Variants in MRAP observed in about 807,000 individuals in gnomAD.
MRAP encodes melanocortin-2 receptor accessory protein.
MRAP carries 8 observed loss-of-function variants against 8.7 expected under a neutral mutation model. That is an observed-to-expected ratio of 0.92 (90% CI 0.54 to 1.66). MRAP has a LOEUF of 1.66. Ranked by LOEUF, MRAP falls within the 40% of genes most tolerant of loss-of-function variation. MRAP has a pLI of 0.00. For synonymous variants in MRAP, 95 were observed against 95.5 expected (o/e 1.00, Z 0.03); for missense variants, 237 against 217.1 (o/e 1.09, Z -0.58).
At position 32,298,988 on chromosome 21, in the gene MRAP, A is replaced by G. The variant is rs781027422; in HGVS notation, c.17A>G (p.Asn6Ser). The G allele has an allele frequency of 1.2e-6, 2 of 1,613,978 alleles. No individual in the cohort carries two copies. The highest frequency in any genetic ancestry group is 1.7e-6 in the Non-Finnish European group (2 of 1,179,940). MANGT[N>S]ASAPYYSYEY... ...GCCACAGACATGGCCAACGGGACCA[A>G]CGCCTCTGCCCCATACTACAGCTAT... Residue 6 changes from asparagine (N) to serine (S), a missense_variant, in exon 1 of 3, where the codon AAC (asparagine) becomes AGC (serine). Transcript: ENST00000303645.
intron 1 of MRAP, among the ~76,000 whole-genome samples, chr21:32,300,415 C>T (rs1206567867): frequency 3.3e-5 from 5 of 150,918 alleles, no homozygotes; most frequent in African/African-American, 1.2e-4. Context: ...ATGCATCACG[C>T]GTCCTGCGTC....
At chr21:32,305,127 C>T (rs2032384006) in intron 1 of MRAP, among the ~76,000 whole-genome samples, 1 of 151,742 alleles carries the variant, frequency 6.6e-6, no homozygotes, top group African/African-American at 2.4e-5. Flanking sequence ...CATTACCGTG[C>T]CCAGGTAATC....
At chr21:32,306,238 C>T (rs867062911) in intron 1 of MRAP, among the ~76,000 whole-genome samples, 1 of 152,028 alleles carries the variant, frequency 6.6e-6, no homozygotes, top group Non-Finnish European at 1.5e-5. Flanking sequence ...CGCTGCATCC[C>T]TCCCGGGGGC....
chr21:32,297,705 C>T (rs189300569), upstream of MRAP, among the ~76,000 whole-genome samples: 2 of 152,166 alleles, frequency 1.3e-5, no homozygotes, highest in Non-Finnish European at 2.9e-5. Context: ...TAGGAAATTG[C>T]TTGGTATGGA....
chr21:32,295,077 T>C (rs149917401), upstream of MRAP, among the ~76,000 whole-genome samples: 4 of 151,784 alleles, frequency 2.6e-5, no homozygotes, highest in East Asian at 5.8e-4. Context: ...GTATCACTAC[T>C]GGCAGCAAAT....
chr21:32,306,261 C>A (rs1392533018), intron 1 of MRAP, among the ~76,000 whole-genome samples: 2 of 151,930 alleles, frequency 1.3e-5, no homozygotes, highest in African/African-American at 4.8e-5. Context: ...AGGAGTCCTT[C>A]CTAACACACA....
At chr21:32,296,404 G>C (rs564773631), upstream of MRAP, among the ~76,000 whole-genome samples, 1 of 152,306 alleles carries the variant, frequency 6.6e-6, no homozygotes, top group East Asian at 1.9e-4. Context: ...AGAAACATCT[G>C]GAAGTACACA....
At chr21:32,300,989 CATGAT>C (rs1411899205) in intron 1 of MRAP, among the ~76,000 whole-genome samples, 8 of 140,162 alleles carry the variant, frequency 5.7e-5, no homozygotes, top group Admixed American at 1.4e-4. Context: ...TTTCATATAT[CATGAT>C]ATATGATATG....
At chr21:32,302,502 G>A (rs571622818) in intron 1 of MRAP, among the ~76,000 whole-genome samples, 4 of 152,190 alleles carry the variant, frequency 2.6e-5, no homozygotes, top group Admixed American at 6.5e-5. Flanking sequence ...TTGCTGACTT[G>A]GTAAAGAAAA....
chr21:32,292,093 G>A (rs2032059281), intron 1 of MRAP, among the ~76,000 whole-genome samples: 1 of 151,938 alleles, frequency 6.6e-6, no homozygotes, highest in Non-Finnish European at 1.5e-5. Context: ...TGTGAGCATT[G>A]ACTAGATAGT....
chr21:32,295,082 G>A (rs2032116641), upstream of MRAP, among the ~76,000 whole-genome samples: 1 of 151,482 alleles, frequency 6.6e-6, no homozygotes, highest in South Asian at 2.1e-4. Flanking sequence ...ACTACTGGCA[G>A]CAAATTCATA....
chr21:32,314,396 G>T, downstream of MRAP: 1 of 641,480 alleles, frequency 1.6e-6, no homozygotes, highest in Non-Finnish European at 2.9e-6. Context: ...TGTTGGGAAG[G>T]CTGGTTTCGA....
At chr21:32,314,620 G>A, downstream of MRAP, 3 of 1,614,218 alleles carry the variant, frequency 1.9e-6, no homozygotes, top group South Asian at 3.3e-5. Context: ...CCTGTGATGA[G>A]CTCCAAGCCC....
At chr21:32,304,626 AC>A (rs1364350152) in intron 1 of MRAP, among the ~76,000 whole-genome samples, 2 of 134,680 alleles carry the variant, frequency 1.5e-5, no homozygotes, top group East Asian at 2.1e-4. Flanking sequence ...ACAAAAAAAA[AC>A]AAACAAAAAA....
intron 1 of MRAP, among the ~76,000 whole-genome samples, chr21:32,304,135 A>G (rs1440014022): frequency 6.6e-6 from 1 of 152,208 alleles, no homozygotes; most frequent in East Asian, 1.9e-4. Flanking sequence ...TTAGGAAGGA[A>G]AAAGAGCATT....
In MRAP at chr21:32,311,777, C is replaced by A. The variant is rs1320278577; in HGVS notation, c.300C>A (p.Pro100=). Residue 100 remains proline (P), a synonymous_variant, in exon 3 of 3, where the codon CCC becomes CCA. Transcript: ENST00000303645. ...IQKCLPCHRE[P]LATSQAQASS... ...AGTGCCTGCCGTGCCACAGGGAACCCCTGGCAACCTCACAGGCTCAGGCGA... is the reference window on the plus strand; with the variant it reads ...AGTGCCTGCCGTGCCACAGGGAACCACTGGCAACCTCACAGGCTCAGGCGA... The A allele has an allele frequency of 6.2e-7, 1 of 1,614,174 alleles. No individual in the cohort carries two copies. Among genetic ancestry groups the A allele is most frequent in the Admixed American group, 1.7e-5 (1 of 60,036 alleles).
At chr21:32,300,740 CAG>C (rs1374171730) in intron 1 of MRAP, among the ~76,000 whole-genome samples, 5 of 60,434 alleles carry the variant, frequency 8.3e-5, no homozygotes, top group East Asian at 4.7e-4. Context: ...CGTCCTATGT[CAG>C]TGTGTCGTGC....
upstream of MRAP, among the ~76,000 whole-genome samples, chr21:32,295,822 A>G (rs1393740967): frequency 6.6e-6 from 1 of 152,102 alleles, no homozygotes; most frequent in Non-Finnish European, 1.5e-5. Context: ...CCAAAAATAC[A>G]AAAGTTAGCC....
chr21:32,313,802 T>C (rs1210990043), downstream of MRAP: 1 of 152,226 alleles, frequency 6.6e-6, no homozygotes, highest in African/African-American at 2.4e-5. Flanking sequence ...AAATTTTAAC[T>C]GTGAAAACCA....
Sources: gnomAD v4.1 joint callset for allele counts (sites outside exome capture counted in the v4.1 genomes callset) on GRCh38, gnomAD v4.1.1 for gene constraint, MANE v1.5 for transcripts, NCBI Gene and HGNC (gene_info 2026-07-23, HGNC 2026-07-21) for gene names.